ADAMDEC1: variants seen among roughly 807,000 people sequenced by gnomAD.
ADAMDEC1 encodes the protein ADAM like decysin 1.
ADAMDEC1 carries 62 observed loss-of-function variants against 60.4 expected under a neutral mutation model. The ratio of observed to expected loss-of-function variants is 1.03; its 90% CI spans 0.84 to 1.27. The LOEUF is 1.27. Among genes scored for constraint, ADAMDEC1 ranks in the 50% most tolerant of loss-of-function variants. The pLI, the probability that ADAMDEC1 is intolerant of heterozygous loss-of-function variation, is 0.00. For synonymous variants in ADAMDEC1, 210 were observed against 195.1 expected (o/e 1.08, Z -0.64); for missense variants, 595 against 565.0 (o/e 1.05, Z -0.54).
At chr8:24,390,111 T>C (rs1448458875) in intron 1 of ADAMDEC1, 5 of 520,332 alleles carry the variant, frequency 9.6e-6, no homozygotes, top group South Asian at 4.6e-5. Context: ...TATTCTATTA[T>C]TTTATTTAAC....
At chr8:24,389,243 C>T (rs1387969894) in intron 1 of ADAMDEC1, among the ~76,000 whole-genome samples, 4 of 152,188 alleles carry the variant, frequency 2.6e-5, no homozygotes, top group African/African-American at 9.6e-5. Flanking sequence ...ACCTTTCCCA[C>T]ATATCTGTTC....
At chr8:24,401,882 T>G in intron 11 of ADAMDEC1, 33 bp from the exon 12 acceptor site, 1 of 1,537,450 alleles carries the variant, frequency 6.5e-7, no homozygotes, top group Non-Finnish European at 8.9e-7. Flanking sequence ...CCACACTGTA[T>G]ATCATATTAT....
At position 24,401,783 on chromosome 8, in the gene ADAMDEC1, T is replaced by G. The variant is rs112008286; in HGVS notation, c.1143-132T>G. The stretch of plus-strand genomic sequence containing the variant: ...GGGCAGTCCTAAATGGTTGCCAAAT[T>G]TGGAATTTCCATTGAGCTCGGTAAT... On this transcript the variant is annotated intron_variant, in intron 11 of 13. Transcript: ENST00000256412. The G allele has an allele frequency of 6.7e-3, 5,272 of 789,178 alleles. 33 individuals are homozygous for G. The highest frequency in any genetic ancestry group is 0.018 in the Middle Eastern group (48 of 2,626). The allele number at this position is 789,178 out of a possible 1,614,324, so 48.9% of individuals were successfully genotyped here.
At position 24,405,474 on chromosome 8, in the gene ADAMDEC1, C is replaced by T. The variant is rs116591370; in HGVS notation, c.*176C>T. On this transcript the variant is annotated 3_prime_UTR_variant, in exon 14 of 14. Coordinates refer to ENST00000256412, the MANE Select transcript of ADAMDEC1 (RefSeq NM_014479.3). Reference sequence around the variant, plus strand: ...ACAGATGTAATTAGAGACATTGGCTCTTTGTTTAGGCCTAATCTTTCTTTT... The same window carrying T: ...ACAGATGTAATTAGAGACATTGGCTTTTTGTTTAGGCCTAATCTTTCTTTT... 556 of 569,786 alleles carry T rather than the reference C, an allele frequency of 9.8e-4. 2 individuals carry two copies. The highest frequency in any genetic ancestry group is 9.4e-3 in the African/African-American group (475 of 50,658). 35.3% of individuals were successfully genotyped at this position (569,786 alleles called of 1,614,324 possible). A position where few individuals can be genotyped will look rare whatever the true frequency, so the allele number is the denominator to read the frequency against.
intron 9 of ADAMDEC1, 89 bp downstream of exon 9, chr8:24,399,129 C>T (rs964919253): frequency 2.8e-6 from 4 of 1,408,822 alleles, no homozygotes; most frequent in Non-Finnish European, 2.9e-6. Context: ...GTAATATTTC[C>T]CTGATCAACT....
At chr8:24,400,738 TTAA>T (rs1817742784) in intron 11 of ADAMDEC1, among the ~76,000 whole-genome samples, 2 of 151,150 alleles carry the variant, frequency 1.3e-5, no homozygotes, top group South Asian at 4.2e-4. Context: ...GCTGCACCCA[TTAA>T]CTAGTCATTT....
intron 7 of ADAMDEC1, 47 bp from the exon 8 acceptor site, chr8:24,398,433 C>A: frequency 9.0e-7 from 1 of 1,111,688 alleles, no homozygotes; most frequent in South Asian, 1.4e-5. Flanking sequence ...TCAGCTTTCT[C>A]AGTGTAATCT....
At position 24,395,808 on chromosome 8, in the gene ADAMDEC1, C is replaced by A; in HGVS notation, c.440+12C>A. ...TGTGACGGGTTGAGGTAAGAACTAC[C>A]ATCAAAATTACTCAAGATCAAGAAG... On this transcript the variant is annotated intron_variant, in intron 5 of 13. Transcript: ENST00000256412. 6.3e-7 allele frequency: 1 copy of A among 1,599,240 alleles called. No individual in the cohort carries two copies. Among genetic ancestry groups the A allele is most frequent in the South Asian group, 1.1e-5 (1 of 90,208 alleles).
chr8:24,385,759 A>G (rs1476855785), intron 1 of ADAMDEC1, among the ~76,000 whole-genome samples: 1 of 152,186 alleles, frequency 6.6e-6, no homozygotes, highest in East Asian at 1.9e-4. Flanking sequence ...AAATAGAATG[A>G]GGGCTAAATC....
Position 24,392,307 on chromosome 8 carries a change from T to A in ADAMDEC1, c.134T>A (p.Val45Asp), listed in dbSNP as rs1476353048. 1 of 1,611,444 alleles carries A rather than the reference T, an allele frequency of 6.2e-7. No individual in the cohort carries two copies. Among genetic ancestry groups the A allele is most frequent in the East Asian group, 2.2e-5 (1 of 44,750 alleles). Residue 45 changes from valine (V) to aspartate (D), a missense_variant, in exon 2 of 14, where the codon GTT (valine) becomes GAT (aspartate). Physicochemically the swap from Val to Asp is radical, Grantham distance 152. Coordinates refer to ENST00000256412, the MANE Select transcript of ADAMDEC1 (RefSeq NM_014479.3). The part of the protein sequence containing the change: ...QTPELTLHEI[V>D]CPKKLHILHK... The stretch of plus-strand genomic sequence containing the variant: ...CCTGAATTAACGCTCCATGAAATAG[T>A]TTGTCCTAAAAAACTTCACATTTTA...
At chr8:24,400,141 G>T (rs1426572782) in intron 10 of ADAMDEC1, 29 bp from the exon 11 acceptor site, 16 of 1,481,864 alleles carry the variant, frequency 1.1e-5, no homozygotes, top group Non-Finnish European at 1.4e-5. Flanking sequence ...AATAAAAAAA[G>T]AATAAATAAA....
At chr8:24,390,336 C>T in intron 1 of ADAMDEC1, 1 of 352,124 alleles carries the variant, frequency 2.8e-6, no homozygotes. Context: ...ATAATATTGA[C>T]CCAATGTCTC....
intron 1 of ADAMDEC1, among the ~76,000 whole-genome samples, chr8:24,385,354 C>T (rs189935815): frequency 9.9e-5 from 15 of 152,252 alleles, no homozygotes; most frequent in Admixed American, 3.9e-4. Flanking sequence ...TGCACACATA[C>T]GGCTGGCTCT....
chr8:24,394,175 T>C, intron 4 of ADAMDEC1, 28 bp downstream of exon 4: 1 of 1,547,490 alleles, frequency 6.5e-7, no homozygotes, highest in Non-Finnish European at 8.9e-7. Flanking sequence ...TGTGGGTCTC[T>C]TTTGAGTTTT....
At chr8:24,397,839 C>G in intron 7 of ADAMDEC1, 94 bp downstream of exon 7, 1 of 1,210,420 alleles carries the variant, frequency 8.3e-7, no homozygotes, top group Non-Finnish European at 1.2e-6. Context: ...TTTAGCTAAT[C>G]ATGGGGCATT....
intron 4 of ADAMDEC1, among the ~76,000 whole-genome samples, chr8:24,395,373 G>A (rs141101424): frequency 1.3e-5 from 2 of 152,188 alleles, no homozygotes; most frequent in African/African-American, 4.8e-5. Flanking sequence ...CATCCCAAGA[G>A]GACTGGCTAC....
intron 2 of ADAMDEC1, among the ~76,000 whole-genome samples, 175 bp downstream of exon 2, chr8:24,392,555 T>C (rs1817472289): frequency 6.6e-6 from 1 of 152,208 alleles, no homozygotes; most frequent in African/African-American, 2.4e-5. Flanking sequence ...AATGCTGCTA[T>C]GGTTAAGCAG....
chr8:24,389,943 C>T (rs145570957), intron 1 of ADAMDEC1, among the ~76,000 whole-genome samples: 1,777 of 152,294 alleles, frequency 0.012, 42 homozygotes, highest in African/African-American at 0.041. Context: ...CCAGCATTCA[C>T]AATCTCCTTT....
intron 1 of ADAMDEC1, chr8:24,387,881 G>A (rs540021471): frequency 2.0e-5 from 3 of 152,722 alleles, no homozygotes; most frequent in South Asian, 2.1e-4. Flanking sequence ...TTCAGACACA[G>A]GTATGCACTG....
Sources: allele counts gnomAD v4.1 joint callset (sites outside exome capture counted in the v4.1 genomes callset), GRCh38; gene constraint gnomAD v4.1.1; transcripts MANE v1.5; gene names NCBI Gene and HGNC (gene_info 2026-07-23, HGNC 2026-07-21).